TTN: variants seen among roughly 807,000 people sequenced by gnomAD.
TTN encodes titin, also known as connectin.
In TTN, 1,525 loss-of-function variants were observed where a neutral mutation model predicts 3,223.0. The ratio of observed to expected loss-of-function variants is 0.47; its 90% CI spans 0.45 to 0.49. The LOEUF is 0.49. TTN is among the 20% of genes least tolerant of loss of function. The probability of loss-of-function intolerance (pLI) is 0.00; values close to 1 mark genes in which losing one functional copy is unlikely to be tolerated. For synonymous variants in TTN, 14,094 were observed against 15,161.0 expected, an observed-to-expected ratio of 0.93 and a Z score of 5.17; for missense variants, 40,786 against 43,424.0, an observed-to-expected ratio of 0.94 and a Z score of 5.40.
rs751502535 is a variant in TTN at position 178,589,509 on chromosome 2, T to C, written c.62216A>G (p.Tyr20739Cys). 7 of 1,613,292 alleles carry C rather than the reference T, an allele frequency of 4.3e-6. No homozygotes were observed. The highest frequency in any genetic ancestry group is 5.9e-6 in the Non-Finnish European group (7 of 1,179,634). The stretch of plus-strand genomic sequence containing the variant: ...ATTCTTTGTTTGCACTCTGAACTCA[T>C]AAATCTGGTTTTCAACACATCTGTC... Reference protein sequence around the residue: ...MVDRCVENQIYEFRVQTKNEG... With the variant: ...MVDRCVENQICEFRVQTKNEG... Residue 20739 changes from tyrosine (Y) to cysteine (C), a missense_variant, in exon 304 of 363, where the codon TAT (tyrosine) becomes TGT (cysteine). By Grantham distance (194) the Tyr-to-Cys change is radical. Transcript: ENST00000589042.
In TTN at chr2:178,574,546, A is replaced by T; in HGVS notation, c.71586T>A (p.His23862Gln). The change falls in exon 326 of 363, where the codon CAT (histidine) becomes CAA (glutamine). Residue 23862 changes from histidine to glutamine, a missense_variant. By Grantham distance (24) the His-to-Gln change is conservative. Coordinates refer to ENST00000589042, the MANE Select transcript of TTN (RefSeq NM_001267550.2). Reference sequence around the variant, plus strand: ...TACCATTTCGTTCTTTTCTTTCAACATGATATCCTAAAATGGGGCTTCCAC... The same window carrying T: ...TACCATTTCGTTCTTTTCTTTCAACTTGATATCCTAAAATGGGGCTTCCAC... Reference protein sequence around the residue: ...SDGGSPILGYHVERKERNGIL... With the variant: ...SDGGSPILGYQVERKERNGIL... 18 of 1,613,612 alleles carry T rather than the reference A, an allele frequency of 1.1e-5. No individual in the cohort carries two copies. Among genetic ancestry groups the T allele is most frequent in the Non-Finnish European group, 1.5e-5 (18 of 1,179,630 alleles).
rs918236529 is a variant in TTN, at chr2:178,558,232, G to A, written c.87122C>T (p.Pro29041Leu). 3 of 1,601,870 alleles carry A rather than the reference G, an allele frequency of 1.9e-6. No individual in the cohort carries two copies. Among genetic ancestry groups the A allele is most frequent in the Non-Finnish European group, 8.5e-7 (1 of 1,176,776 alleles). Reference protein sequence around the residue: ...LPVLIKEQLEPPEIDMKNFPS... With the variant: ...LPVLIKEQLELPEIDMKNFPS... ...GAAATTCTTCATATCAATTTCAGGT[G>A]GTTCTGAAAAATGAGTATAGAAAGT... Residue 29041 changes from proline to leucine, a missense_variant, in exon 328 of 363, where the codon CCA (proline) becomes CTA (leucine). By Grantham distance (98) the Pro-to-Leu change is moderately conservative (BLOSUM62 -3). Transcript: ENST00000589042.
rs1576218735 is a variant in TTN at position 178,597,657 on chromosome 2, G to A, written c.57425C>T (p.Thr19142Ile). The change falls in exon 294 of 363, where the codon ACA becomes ATA. Residue 19142 changes from threonine (T) to isoleucine (I), a missense_variant. Thr to Ile is a moderately conservative substitution (Grantham distance 89, BLOSUM62 -1). Transcript: ENST00000589042. ...TLPQEATIET[T>I]AISSSMVIKN... ...GATGACCATGGATGAGCTAATGGCT[G>A]TGGTCTCAATGGTGGCTTCTTGAGG... 2 of 1,613,220 alleles carry A rather than the reference G, an allele frequency of 1.2e-6. No homozygotes were observed. Among genetic ancestry groups the A allele is most frequent in the East Asian group, 2.2e-5 (1 of 44,728 alleles).
At position 178,738,379 on chromosome 2, in the gene TTN, T is replaced by C; in HGVS notation, c.14093-19A>G. ...GGGGCAGCTGCAAAGGGAAGTAGAG[T>C]CCATTAACATGCCTCCTTATCAGGC... On this transcript the variant is annotated intron_variant, in intron 48 of 362. Coordinates refer to ENST00000589042, the MANE Select transcript of TTN (RefSeq NM_001267550.2). 7 of 1,592,234 alleles carry C rather than the reference T, an allele frequency of 4.4e-6. No individual in the cohort carries two copies. Among genetic ancestry groups the C allele is most frequent in the Non-Finnish European group, 6.0e-6 (7 of 1,167,426 alleles).
rs72648250 is a variant in TTN at position 178,548,460 on chromosome 2, G to A, written c.93166C>T (p.Arg31056Ter). 5.0e-6 allele frequency: 8 copies of A among 1,613,796 alleles called. No individual in the cohort carries two copies. Among genetic ancestry groups the A allele is most frequent in the South Asian group, 1.1e-5 (1 of 91,074 alleles). ...ARIHHYVVEK[R>*]EASRRSWQVI... ...TGCCAACTACGGCGACTTGCCTCTC[G>A]TTTCTCTACCACATAATGATGGATT... Residue 31056 changes from arginine to a stop codon, truncating the protein, a stop_gained, in exon 339 of 363, where the codon CGA (arginine) becomes TGA (stop). Transcript: ENST00000589042. LOFTEE classifies it high-confidence loss of function. This position sits in a 1 kb window ranked among gnomAD's most constrained non-coding sequence, Gnocchi z 4.3.
In TTN at chr2:178,560,420, C is replaced by T. The variant is rs1703196618; in HGVS notation, c.85712G>A (p.Trp28571Ter). 1 of 1,613,626 alleles carries T rather than the reference C, an allele frequency of 6.2e-7. No individual in the cohort carries two copies. Among genetic ancestry groups the T allele is most frequent in the Non-Finnish European group, 8.5e-7 (1 of 1,179,790 alleles). Reference protein sequence around the residue: ...SVTKESMTLCWSRPESDGGSE... With the variant: ...SVTKESMTLC ...ACCTCCATCACTCTCGGGTCTTGAC[C>T]AGCAAAGTGTCATAGATTCTTTGGT... The change falls in exon 326 of 363, where the codon TGG becomes TAG. Residue 28571 changes from tryptophan to a stop codon, truncating the protein, a stop_gained. Coordinates refer to ENST00000589042, the MANE Select transcript of TTN (RefSeq NM_001267550.2). LOFTEE classifies it high-confidence loss of function.
Position 178,715,150 on chromosome 2 carries a change from T to G in TTN, c.26036A>C (p.Asp8679Ala), listed in dbSNP as rs373587266. The G allele has an allele frequency of 6.2e-7, 1 of 1,613,794 alleles. No individual in the cohort carries two copies. Among genetic ancestry groups the G allele is most frequent in the African/African-American group, 1.3e-5 (1 of 75,028 alleles). ...CTTGCCGCTCCTAAGTTCTCTCTTG[T>G]CTTTATACCAAGAAACGTGAAATGG... is the stretch of plus-strand genomic sequence containing the variant. ...TPPFHVSWYKDKRELRSGKKY... is the reference protein window; with the variant it reads ...TPPFHVSWYKAKRELRSGKKY... Residue 8679 changes from aspartate (D) to alanine (A), a missense_variant, in exon 90 of 363, where the codon GAC (aspartate) becomes GCC (alanine). By Grantham distance (126) the Asp-to-Ala change is moderately radical. Transcript: ENST00000589042.
chr2:178,745,259 G>A lies in TTN; in HGVS notation c.11312-3338C>T, dbSNP rs115013750. 337 of 1,161,322 alleles carry A rather than the reference G, an allele frequency of 2.9e-4. 1 individual carries two copies. The African/African-American group carries it at 4.6e-3, about 16-fold the overall frequency. The allele number at this position is 1,161,322 out of a possible 1,614,324, so 71.9% of individuals were successfully genotyped here. On this transcript the variant is annotated intron_variant, in intron 47 of 362. Transcript: ENST00000589042. ...TATATGGTTTATCTGCTAAAAGAGA[G>A]TCCATTCCACTGAAACACTTTGTGG...
chr2:178,782,071 A>C lies in TTN; in HGVS notation c.3380+141T>G, dbSNP rs560137255. The C allele has an allele frequency of 1.8e-4, 185 of 1,029,218 alleles. 1 individual carries two copies. The highest frequency in any genetic ancestry group is 3.1e-4 in the Middle Eastern group (1 of 3,232). 63.8% of individuals were successfully genotyped at this position (1,029,218 alleles called of 1,614,324 possible). ...GAAGACTTTGCACAAAAAAAATGTA[A>C]AAATACCTCAAAACAAACTAAGAAG... On this transcript the variant is annotated intron_variant, in intron 20 of 362. Coordinates refer to ENST00000589042, the MANE Select transcript of TTN (RefSeq NM_001267550.2).
chr2:178,581,895 T>C lies in TTN; in HGVS notation c.66463+11A>G, dbSNP rs747312393. ...TAACACAGGATATGGAACTCGTTCA[T>C]GAACACTTACACTGAGGGTCCCGAG... On this transcript the variant is annotated intron_variant, in intron 315 of 362. Coordinates refer to ENST00000589042, the MANE Select transcript of TTN (RefSeq NM_001267550.2). 12 of 1,612,186 alleles carry C rather than the reference T, an allele frequency of 7.4e-6. No homozygotes were observed. In the South Asian group the frequency reaches 1.2e-4, roughly 16 times the overall value.
At position 178,735,647 on chromosome 2, in the gene TTN, A is replaced by G. The variant is rs1332627072; in HGVS notation, c.14799T>C (p.Asp4933=). The G allele has an allele frequency of 7.4e-6, 12 of 1,613,714 alleles. No individual in the cohort carries two copies. The highest frequency in any genetic ancestry group is 8.5e-6 in the Non-Finnish European group (10 of 1,179,786). ...TTTTATCTTCAAAACAGATCTTATAATCTTTCCCTGGGGGGAGTTTTTGCC... is the reference window on the plus strand; with the variant it reads ...TTTTATCTTCAAAACAGATCTTATAGTCTTTCCCTGGGGGGAGTTTTTGCC... ...KDGQKLPPGK[D]YKICFEDKIA... is the part of the protein sequence containing the mutation. The change falls in exon 50 of 363, where the codon GAT becomes GAC. Residue 4933 remains aspartate, a synonymous_variant. Coordinates refer to ENST00000589042, the MANE Select transcript of TTN (RefSeq NM_001267550.2).
Position 178,714,319 on chromosome 2 carries a change from C to T in TTN, c.26455G>A (p.Glu8819Lys), listed in dbSNP as rs1452521377. ...CQIKNDAGMQ[E>K]CFATLSVLEP... ...AGAACGGATAGCGTGGCGAAGCACT[C>T]TTGCATCCCAGCATCGTTTTTGATC... The change falls in exon 91 of 363, where the codon GAG becomes AAG. Residue 8819 changes from glutamate to lysine, a missense_variant. Coordinates refer to ENST00000589042, the MANE Select transcript of TTN (RefSeq NM_001267550.2). The T allele has an allele frequency of 2.5e-6, 4 of 1,613,450 alleles. No individual in the cohort carries two copies. Among genetic ancestry groups the T allele is most frequent in the Non-Finnish European group, 3.4e-6 (4 of 1,179,462 alleles).
At chr2:178,754,767 C>T (rs1404004327) in intron 46 of TTN, among the ~76,000 whole-genome samples, 1 of 152,136 alleles carries the variant, frequency 6.6e-6, no homozygotes, top group Non-Finnish European at 1.5e-5. Flanking sequence ...ATAACTAGAC[C>T]TCAGTTCTTG....
rs769569050 is a variant in TTN, at chr2:178,751,840, C to A, written c.11311+1284G>T. 8.1e-6 allele frequency: 13 copies of A among 1,612,750 alleles called. No homozygotes were observed. In the Admixed American group the frequency reaches 1.7e-4, roughly 21 times the overall value. On this transcript the variant is annotated intron_variant, in intron 47 of 362. Transcript: ENST00000589042. ...CAATTAATCTACATGTAAAAACAACCGGTTCACCCTCTAAAACATATTTAA... is the reference window on the plus strand; with the variant it reads ...CAATTAATCTACATGTAAAAACAACAGGTTCACCCTCTAAAACATATTTAA...
chr2:178,733,367 A>T lies in TTN; in HGVS notation c.15926T>A (p.Ile5309Lys), dbSNP rs780870014. ...RPLVASKKYR[I>K]SFKNNVAQLK... is the part of the protein sequence containing the mutation. ...CTGGGCAACATTGTTTTTAAAACTT[A>T]TTCGGTATTTTTTACTGGCGACCAA... Residue 5309 changes from isoleucine to lysine, a missense_variant, in exon 54 of 363, where the codon ATA becomes AAA. Transcript: ENST00000589042. 6.2e-7 allele frequency: 1 copy of T among 1,613,778 alleles called. No individual in the cohort carries two copies. Among genetic ancestry groups the T allele is most frequent in the East Asian group, 2.2e-5 (1 of 44,856 alleles).
intron 216 of TTN, 46 bp from the exon 217 acceptor site, chr2:178,646,076 T>A: frequency 1.4e-6 from 1 of 730,172 alleles, no homozygotes; most frequent in East Asian, 4.0e-5. Context: ...TATGTTAGCA[T>A]GTGGATATGT....
Position 178,550,096 on chromosome 2 carries a change from G to A in TTN, c.91742C>T (p.Ser30581Phe). ...MNMEITDVLG[S>F]TSLFVRDATR... ...AGCATCTCTAACAAATAGGCTGGTG[G>A]ATCCAAGTACGTCGGTTATTTCCAT... Residue 30581 changes from serine (S) to phenylalanine (F), a missense_variant, in exon 337 of 363, where the codon TCC (serine) becomes TTC (phenylalanine). Transcript: ENST00000589042. 6.2e-7 allele frequency: 1 copy of A among 1,613,778 alleles called. No homozygotes were observed. Among genetic ancestry groups the A allele is most frequent in the Non-Finnish European group, 8.5e-7 (1 of 1,179,790 alleles).
Position 178,548,438 on chromosome 2 carries a change from C to T in TTN, c.93188G>A (p.Trp31063Ter). The T allele has an allele frequency of 6.2e-7, 1 of 1,613,852 alleles. No individual in the cohort carries two copies. Residue 31063 changes from tryptophan (W) to a stop codon, truncating the protein, a stop_gained, in exon 339 of 363, where the codon TGG becomes TAG. Coordinates refer to ENST00000589042, the MANE Select transcript of TTN (RefSeq NM_001267550.2). LOFTEE classifies it high-confidence loss of function. This position sits in a 1 kb window ranked among gnomAD's most constrained non-coding sequence, Gnocchi z 4.3. Reference protein sequence around the residue: ...VEKREASRRSWQVISEKCTRQ... With the variant: ...VEKREASRRS ...AGTGCATTTTTCACTGATAACCTGC[C>T]AACTACGGCGACTTGCCTCTCGTTT...
chr2:178,785,975 T>A lies in TTN; in HGVS notation c.2243A>T (p.Glu748Val). The change falls in exon 14 of 363, where the codon GAG becomes GTG. Residue 748 changes from glutamate (E) to valine (V), a missense_variant. Physicochemically the swap from Glu to Val is moderately radical, Grantham distance 121 (BLOSUM62 -2). Transcript: ENST00000589042. The part of the protein sequence containing the change: ...KERISAAKVA[E>V]PPQRPASEPH... Reference sequence around the variant, plus strand: ...TTCTGAGGCTGGACGTTGGGGAGGCTCAGCTACCTTTGCGGCGGAAATGCG... The same window carrying A: ...TTCTGAGGCTGGACGTTGGGGAGGCACAGCTACCTTTGCGGCGGAAATGCG... 6.2e-7 allele frequency: 1 copy of A among 1,614,022 alleles called. No homozygotes were observed. The highest frequency in any genetic ancestry group is 8.5e-7 in the Non-Finnish European group (1 of 1,179,986).
Sources: gnomAD v4.1 joint callset for allele counts (sites outside exome capture counted in the v4.1 genomes callset) on GRCh38, gnomAD v4.1.1 for gene constraint, Gnocchi (gnomAD v3.1) non-coding constraint, MANE v1.5 for transcripts, NCBI Gene and HGNC (gene_info 2026-07-23, HGNC 2026-07-21) for gene names.